Variants in DIS3L2 observed in about 807,000 individuals in gnomAD.
The protein encoded by DIS3L2 is DIS3-like exonuclease 2.
A neutral mutation model predicts 97.5 loss-of-function variants in DIS3L2; 34 were observed. The ratio of observed to expected loss-of-function variants is 0.35; its 90% CI spans 0.27 to 0.46. The LOEUF is 0.46. DIS3L2 is among the 20% of genes least tolerant of loss of function. DIS3L2 has a pLI of 1.00. For missense variants in DIS3L2, 1,038 were observed against 1,146.0 expected (o/e 0.91, Z 1.36); for synonymous variants, 435 against 445.2 (o/e 0.98, Z 0.29).
chr2:232,056,263 C>T (rs1384833535), intron 5 of DIS3L2, among the ~76,000 whole-genome samples: 1 of 151,924 alleles, frequency 6.6e-6, no homozygotes, highest in Non-Finnish European at 1.5e-5. Context: ...CACAGCTACT[C>T]AGGAGGCTGA....
At chr2:232,329,785 T>TGCCGTGG in intron 14 of DIS3L2, 28 bp from the exon 15 acceptor site, 3 of 967,142 alleles carry the variant, frequency 3.1e-6, no homozygotes, top group Non-Finnish European at 4.4e-6. Context: ...ACCCCAGCGG[T>TGCCGTGG]CCCTCCCATC....
chr2:232,163,432 G>C, intron 8 of DIS3L2, 27 bp from the exon 9 acceptor site: 1 of 1,603,386 alleles, frequency 6.2e-7, no homozygotes, highest in Non-Finnish European at 8.5e-7. Flanking sequence ...TGCTAACCCA[G>C]TTATTCCGTT....
At chr2:232,328,407 T>C (rs936344963) in intron 14 of DIS3L2, 2 of 152,272 alleles carry the variant, frequency 1.3e-5, no homozygotes, top group Non-Finnish European at 2.9e-5. Context: ...GAGGCAGATA[T>C]GCTCTCAGGA....
At chr2:232,193,408 T>C (rs72992350) in intron 9 of DIS3L2, among the ~76,000 whole-genome samples, 1,817 of 152,338 alleles carry the variant, frequency 0.012, 17 homozygotes, top group Non-Finnish European at 0.018. Context: ...AATGTCTTTC[T>C]CATGAGGTTG....
At chr2:232,055,513 G>A (rs1695523100) in intron 5 of DIS3L2, among the ~76,000 whole-genome samples, 1 of 152,222 alleles carries the variant, frequency 6.6e-6, no homozygotes, top group African/African-American at 2.4e-5. Context: ...GTCATGGACT[G>A]TAAAATTCAT....
At chr2:232,089,926 A>G (rs1384492196) in intron 6 of DIS3L2, among the ~76,000 whole-genome samples, 2 of 151,936 alleles carry the variant, frequency 1.3e-5, no homozygotes, top group African/African-American at 4.8e-5. Context: ...CTCTATTATA[A>G]TTCTTCCCCC....
intron 5 of DIS3L2, among the ~76,000 whole-genome samples, chr2:232,059,505 G>A (rs1490129162): frequency 6.6e-6 from 1 of 152,114 alleles, no homozygotes; most frequent in Admixed American, 6.6e-5. Flanking sequence ...TTTTATTTTA[G>A]ATTCCGGGAG....
intron 6 of DIS3L2, among the ~76,000 whole-genome samples, chr2:232,088,616 T>C (rs1187643907): frequency 6.6e-6 from 1 of 151,654 alleles, no homozygotes; most frequent in Non-Finnish European, 1.5e-5. Context: ...TCACCCAAAA[T>C]TTTATAAACA....
intron 8 of DIS3L2, among the ~76,000 whole-genome samples, chr2:232,157,670 G>T (rs915637361): frequency 6.6e-6 from 1 of 152,186 alleles, no homozygotes; most frequent in African/African-American, 2.4e-5. Flanking sequence ...GAGCTCACTG[G>T]ATGCGATCTG....
downstream of DIS3L2, chr2:232,340,710 C>T (rs1477407031): frequency 4.3e-6 from 2 of 469,756 alleles, no homozygotes; most frequent in Admixed American, 2.3e-5. Context: ...TCAGTTCTCT[C>T]TCCATCCCAG....
chr2:232,099,693 T>C (rs2106322189), intron 6 of DIS3L2, among the ~76,000 whole-genome samples: 1 of 152,332 alleles, frequency 6.6e-6, no homozygotes, highest in African/African-American at 2.4e-5. Flanking sequence ...GTAGAACTCA[T>C]TGTAAAATTG....
Position 231,966,962 on chromosome 2 carries a change from C to T in DIS3L2, c.-94+5197C>T, listed in dbSNP as rs367623457. ...ATGCCTTAGAGTAGTTATTACGTGACCAGTTATGTTGAGGCAAGACTTGAT... is the reference window on the plus strand; with the variant it reads ...ATGCCTTAGAGTAGTTATTACGTGATCAGTTATGTTGAGGCAAGACTTGAT... On this transcript the variant is annotated intron_variant, in intron 1 of 20. Coordinates refer to ENST00000325385, the MANE Select transcript of DIS3L2 (RefSeq NM_152383.5). 2.0e-5 allele frequency among the ~76,000 whole-genome samples: 3 copies of T among 152,208 alleles called. No individual in the cohort carries two copies. The East Asian group carries it at 5.8e-4, about 29-fold the overall frequency.
At chr2:232,164,055 A>G (rs1690734536) in intron 9 of DIS3L2, among the ~76,000 whole-genome samples, 1 of 152,182 alleles carries the variant, frequency 6.6e-6, no homozygotes, top group Non-Finnish European at 1.5e-5. Flanking sequence ...AAAAGTAGTT[A>G]CTGTCAGCCT....
At chr2:232,257,052 A>T (rs1449255248) in intron 12 of DIS3L2, among the ~76,000 whole-genome samples, 1 of 152,236 alleles carries the variant, frequency 6.6e-6, no homozygotes, top group South Asian at 2.1e-4. Flanking sequence ...CAGGAGGCAG[A>T]AGTTGCAGTG....
At position 232,037,280 on chromosome 2, in the gene DIS3L2, C is replaced by T. The variant is rs887725226; in HGVS notation, c.366+7200C>T. Among the ~76,000 whole-genome samples the T allele has an allele frequency of 5.3e-5, 8 of 152,200 alleles. No individual in the cohort carries two copies. Among genetic ancestry groups the T allele is most frequent in the African/African-American group, 1.4e-4 (6 of 41,458 alleles). ...AGGTAGTCTGGCTACAGGGGCTTTGCGGTGCTGTGGTGGGCTCCGCCCAGC... is the reference window on the plus strand; with the variant it reads ...AGGTAGTCTGGCTACAGGGGCTTTGTGGTGCTGTGGTGGGCTCCGCCCAGC... On this transcript the variant is annotated intron_variant, in intron 5 of 20. Coordinates refer to ENST00000325385, the MANE Select transcript of DIS3L2 (RefSeq NM_152383.5). This position sits in a 1 kb window ranked among gnomAD's most constrained non-coding sequence, Gnocchi z 4.6.
intron 5 of DIS3L2, among the ~76,000 whole-genome samples, chr2:232,047,833 T>C (rs2106259986): frequency 6.6e-6 from 1 of 152,372 alleles, no homozygotes; most frequent in South Asian, 2.1e-4. Flanking sequence ...TTTGTCGTTT[T>C]GTGTTTGTGT....
At chr2:232,085,924 A>G (rs1043154515) in intron 5 of DIS3L2, among the ~76,000 whole-genome samples, 7 of 152,122 alleles carry the variant, frequency 4.6e-5, no homozygotes, top group Non-Finnish European at 8.8e-5. Flanking sequence ...TTCCCACTTC[A>G]GCCTCCCAAG....
intron 1 of DIS3L2, among the ~76,000 whole-genome samples, chr2:231,974,823 A>G (rs1023931910): frequency 1.4e-4 from 21 of 152,208 alleles, no homozygotes; most frequent in African/African-American, 5.1e-4. Context: ...GGCTAATAGA[A>G]TAAACAAATC....
At chr2:232,332,846 GA>G (rs1172165067) in intron 16 of DIS3L2, among the ~76,000 whole-genome samples, 2 of 152,218 alleles carry the variant, frequency 1.3e-5, no homozygotes, top group East Asian at 3.9e-4. Context: ...ATCAGTGCCA[GA>G]GGGGATGAGG....
Sources: allele counts gnomAD v4.1 joint callset (sites outside exome capture counted in the v4.1 genomes callset), GRCh38; gene constraint gnomAD v4.1.1; non-coding constraint Gnocchi (gnomAD v3.1); transcripts MANE v1.5; gene names NCBI Gene and HGNC (gene_info 2026-07-23, HGNC 2026-07-21).